Variants in CAB39 observed in about 807,000 individuals in gnomAD.
The protein encoded by CAB39 is calcium-binding protein 39.
In CAB39, 8 loss-of-function variants were observed where a neutral mutation model predicts 40.0. The observed-to-expected ratio is 0.20, with a 90% CI of 0.12 to 0.36. The LOEUF (loss-of-function observed/expected upper bound fraction) is 0.36, where lower values mean the gene tolerates loss of function less well. Ranked by LOEUF, CAB39 falls within the 10% of genes least tolerant of loss-of-function variation. The probability of loss-of-function intolerance (pLI) is 1.00; values close to 1 mark genes in which losing one functional copy is unlikely to be tolerated. For synonymous variants in CAB39, 156 were observed against 141.6 expected (o/e 1.10, Z -0.72); for missense variants, 270 against 401.1 (o/e 0.67, Z 2.79).
intron 1 of CAB39, among the ~76,000 whole-genome samples, chr2:230,751,329 C>A (rs1023982238): frequency 2.0e-5 from 3 of 152,194 alleles, no homozygotes; most frequent in South Asian, 2.1e-4. Context: ...TAAACACATA[C>A]GCCCACATCC....
chr2:230,785,395 G>T (rs1465652318), intron 2 of CAB39, among the ~76,000 whole-genome samples: 1 of 144,970 alleles, frequency 6.9e-6, no homozygotes, highest in South Asian at 2.3e-4. Flanking sequence ...GGGCAGGGGG[G>T]CAGGGGGCGG....
At chr2:230,717,521 C>G (rs533332757) in intron 1 of CAB39, among the ~76,000 whole-genome samples, 11 of 152,076 alleles carry the variant, frequency 7.2e-5, no homozygotes, top group Non-Finnish European at 1.2e-4. Context: ...CTCTACAGTC[C>G]GGAATATGGG....
At chr2:230,732,370 C>T (rs1694709067) in intron 1 of CAB39, among the ~76,000 whole-genome samples, 1 of 152,206 alleles carries the variant, frequency 6.6e-6, no homozygotes, top group South Asian at 2.1e-4. Flanking sequence ...GCGTGAGCCA[C>T]CGCGCCCGGC....
chr2:230,747,902 C>T (rs1245575398), intron 1 of CAB39, among the ~76,000 whole-genome samples: 1 of 152,200 alleles, frequency 6.6e-6, no homozygotes, highest in Admixed American at 6.5e-5. Context: ...CATACTTCCA[C>T]ATGTATGTCT....
chr2:230,724,358 A>C (rs1009906566), intron 1 of CAB39, among the ~76,000 whole-genome samples: 2 of 151,970 alleles, frequency 1.3e-5, no homozygotes, highest in Admixed American at 6.6e-5. Flanking sequence ...ATGTTTTAGC[A>C]CAGGTATGTT....
intron 2 of CAB39, among the ~76,000 whole-genome samples, chr2:230,786,760 G>A (rs1695801748): frequency 6.6e-6 from 1 of 152,206 alleles, no homozygotes; most frequent in African/African-American, 2.4e-5. Flanking sequence ...TTAGGTATCA[G>A]ATTCTTCCTG....
chr2:230,720,607 A>G (rs79103342), intron 1 of CAB39, among the ~76,000 whole-genome samples: 9,266 of 152,026 alleles, frequency 0.061, 953 homozygotes, highest in African/African-American at 0.21. Flanking sequence ...GGCTAATTTT[A>G]GACGGGGTTT....
intron 5 of CAB39, among the ~76,000 whole-genome samples, chr2:230,799,945 C>T (rs943602110): frequency 1.3e-5 from 2 of 151,294 alleles, no homozygotes; most frequent in African/African-American, 2.4e-5. Context: ...ACCCGAGAAT[C>T]ACACCATTGC....
At chr2:230,754,461 CCTTCTTCCCCTCCTA>C in intron 1 of CAB39, among the ~76,000 whole-genome samples, 7 of 148,036 alleles carry the variant, frequency 4.7e-5, no homozygotes, top group African/African-American at 1.8e-4. Context: ...CCCTTTCCCT[CCTTCTTCCCCTCCTA>C]CTCCTTCCGC....
At chr2:230,728,729 C>T (rs1203824177) in intron 1 of CAB39, among the ~76,000 whole-genome samples, 2 of 152,206 alleles carry the variant, frequency 1.3e-5, no homozygotes, top group Admixed American at 1.3e-4. Context: ...CCTGCCTTGG[C>T]CTCCTGAGTA....
At chr2:230,719,366 C>T (rs138019540) in intron 1 of CAB39, among the ~76,000 whole-genome samples, 179 of 152,294 alleles carry the variant, frequency 1.2e-3, no homozygotes, top group African/African-American at 4.1e-3. Context: ...TAGGGTATGA[C>T]TCCCTCATGA....
chr2:230,774,622 G>A (rs1010132740), intron 2 of CAB39, among the ~76,000 whole-genome samples: 116 of 152,236 alleles, frequency 7.6e-4, no homozygotes, highest in African/African-American at 2.6e-3. Flanking sequence ...CCTTCCTTAC[G>A]ATGAATGCTT....
chr2:230,783,463 G>GTTTTGTTTTGTTTTT (rs765740174), intron 2 of CAB39, among the ~76,000 whole-genome samples: 30 of 150,944 alleles, frequency 2.0e-4, no homozygotes, highest in Non-Finnish European at 3.4e-4. Flanking sequence ...GTTTTGTTTT[G>GTTTTGTTTTGTTTTT]TTTTGTTTTG....
chr2:230,787,874 G>A (rs1401839097), intron 2 of CAB39, among the ~76,000 whole-genome samples: 2 of 152,224 alleles, frequency 1.3e-5, no homozygotes, highest in Admixed American at 1.3e-4. Context: ...CTGATCTGCA[G>A]TACAAACCCA....
chr2:230,762,105 A>G (rs1320611580), intron 2 of CAB39, among the ~76,000 whole-genome samples: 1 of 152,018 alleles, frequency 6.6e-6, no homozygotes, highest in African/African-American at 2.4e-5. Context: ...ACGGGGTTTC[A>G]CTATATTGGT....
intron 2 of CAB39, among the ~76,000 whole-genome samples, chr2:230,767,027 G>T (rs75981705): frequency 0.014 from 2,099 of 152,306 alleles, 48 homozygotes; most frequent in African/African-American, 0.047. Context: ...TTGTTCAGAG[G>T]TACAAGAATT....
intron 4 of CAB39, among the ~76,000 whole-genome samples, chr2:230,796,494 A>G (rs549674538): frequency 1.4e-4 from 22 of 152,274 alleles, no homozygotes; most frequent in African/African-American, 5.1e-4. Context: ...AACCTGTTCA[A>G]CTTGTACCAA....
intron 1 of CAB39, among the ~76,000 whole-genome samples, chr2:230,743,577 G>A (rs1694921093): frequency 6.6e-6 from 1 of 152,076 alleles, no homozygotes; most frequent in Non-Finnish European, 1.5e-5. Flanking sequence ...TTAAACATAA[G>A]GATGTAGACC....
At chr2:230,733,164 T>TC (rs769045481) in intron 1 of CAB39, among the ~76,000 whole-genome samples, 2 of 152,134 alleles carry the variant, frequency 1.3e-5, no homozygotes, top group Non-Finnish European at 2.9e-5. Context: ...TGTCCTGACT[T>TC]CCCAGACAGC....
Sources: gnomAD v4.1 joint callset for allele counts (sites outside exome capture counted in the v4.1 genomes callset) on GRCh38, gnomAD v4.1.1 for gene constraint, MANE v1.5 for transcripts, NCBI Gene and HGNC (gene_info 2026-07-23, HGNC 2026-07-21) for gene names.